MACROD2: variants seen among roughly 807,000 people sequenced by gnomAD.
MACROD2 encodes the protein ADP-ribose glycohydrolase MACROD2.
Under a neutral mutation model 70.4 loss-of-function variants are expected in MACROD2, and 36 were observed. The observed-to-expected ratio is 0.51, with a 90% CI of 0.39 to 0.68. The LOEUF (loss-of-function observed/expected upper bound fraction) is 0.68. Ranked by LOEUF, MACROD2 falls within the 30% of genes least tolerant of loss-of-function variation. The probability of loss-of-function intolerance (pLI) is 0.00; values close to 1 mark genes in which losing one functional copy is unlikely to be tolerated. For synonymous variants in MACROD2, 172 were observed against 178.8 expected (o/e 0.96, Z 0.30); for missense variants, 496 against 538.4 (o/e 0.92, Z 0.78).
intron 6 of MACROD2, among the ~76,000 whole-genome samples, chr20:15,354,654 A>G (rs1213725899): frequency 6.7e-6 from 1 of 150,214 alleles, no homozygotes; most frequent in Non-Finnish European, 1.5e-5. Context: ...TTAAAAAAGA[A>G]AAAGTTTTAG....
chr20:15,404,372 A>G (rs1162189073), intron 6 of MACROD2, among the ~76,000 whole-genome samples: 1 of 152,246 alleles, frequency 6.6e-6, no homozygotes, highest in Non-Finnish European at 1.5e-5. Context: ...TGTGTATAAA[A>G]AAGAACACAT....
In MACROD2 at chr20:16,022,630, T is replaced by C. The variant is rs972954980; in HGVS notation, c.1154-18571T>C. On this transcript the variant is annotated intron_variant, in intron 15 of 17. Transcript: ENST00000684519. ...GTCTGCATTTTATAATTATCCTGAG[T>C]ATATCCAATGCAGATGGTTCCTGGA... Among the ~76,000 whole-genome samples, 9 of 152,308 alleles carry C rather than the reference T, an allele frequency of 5.9e-5. No homozygotes were observed. The East Asian group carries it at 1.5e-3, about 26-fold the overall frequency.
intron 4 of MACROD2, among the ~76,000 whole-genome samples, chr20:14,614,004 A>T (rs1204238957): frequency 6.6e-6 from 1 of 152,090 alleles, no homozygotes; most frequent in Non-Finnish European, 1.5e-5. Flanking sequence ...TATTTCCACC[A>T]TGGAGACCTC....
chr20:14,146,119 G>A (rs901628541), intron 3 of MACROD2, among the ~76,000 whole-genome samples: 2 of 152,084 alleles, frequency 1.3e-5, no homozygotes, highest in Admixed American at 1.3e-4. Context: ...TCAGAAGATC[G>A]AGACCATCCT....
At position 14,819,114 on chromosome 20, in the gene MACROD2, A is replaced by G. The variant is rs1044623811; in HGVS notation, c.418+134155A>G. On this transcript the variant is annotated intron_variant, in intron 5 of 17. Coordinates refer to ENST00000684519, the MANE Select transcript of MACROD2 (RefSeq NM_001351661.2). ...ACCCCATTTCTACTAAAAATACAGA[A>G]AAATTGCTGGGTGTGGTGGCAGGCA... is the stretch of plus-strand genomic sequence containing the variant. Among the ~76,000 whole-genome samples the G allele has an allele frequency of 2.0e-5, 3 of 151,538 alleles. No individual in the cohort carries two copies. The South Asian group carries it at 6.3e-4, about 32-fold the overall frequency.
At chr20:14,221,043 T>G (rs1292441243) in intron 3 of MACROD2, among the ~76,000 whole-genome samples, 1 of 152,206 alleles carries the variant, frequency 6.6e-6, no homozygotes, top group Non-Finnish European at 1.5e-5. Context: ...TCTACCATGA[T>G]TGACCTTAAA....
intron 3 of MACROD2, among the ~76,000 whole-genome samples, chr20:14,377,016 A>T (rs1215485017): frequency 6.6e-6 from 1 of 152,174 alleles, no homozygotes; most frequent in Non-Finnish European, 1.5e-5. Flanking sequence ...GGAGACATCC[A>T]GTAAACAATA....
Position 14,081,983 on chromosome 20 carries a change from T to C in MACROD2, c.164-3638T>C, listed in dbSNP as rs542391287. On this transcript the variant is annotated intron_variant, in intron 2 of 17. Transcript: ENST00000684519. Reference sequence around the variant, plus strand: ...TTGAGTAAAGACCATTTTGAGTAACTTATTTGAGCAACATTGTCACAGCAG... The same window carrying C: ...TTGAGTAAAGACCATTTTGAGTAACCTATTTGAGCAACATTGTCACAGCAG... Among the ~76,000 whole-genome samples the C allele has an allele frequency of 2.6e-3, 389 of 152,230 alleles. 1 individual carries two copies. The highest frequency in any genetic ancestry group is 4.6e-3 in the South Asian group (22 of 4,828).
At chr20:14,965,627 ATTTT>A (rs374771441) in intron 5 of MACROD2, among the ~76,000 whole-genome samples, 1 of 140,872 alleles carries the variant, frequency 7.1e-6, no homozygotes. Context: ...TGCCCAGCTA[ATTTT>A]TTTTTTTTTT....
intron 4 of MACROD2, among the ~76,000 whole-genome samples, chr20:14,553,678 T>G (rs1535214): frequency 0.54 from 81,513 of 151,834 alleles, 23,378 homozygotes; most frequent in East Asian, 0.66. Context: ...GGGATCACCT[T>G]GTATATGCAG....
chr20:14,695,610 G>T (rs748602999), intron 5 of MACROD2, among the ~76,000 whole-genome samples: 2 of 152,176 alleles, frequency 1.3e-5, no homozygotes, highest in African/African-American at 4.8e-5. Flanking sequence ...TGTTGTGAGG[G>T]AACTCAGACA....
chr20:15,979,998 C>T (rs2066372216), intron 13 of MACROD2, among the ~76,000 whole-genome samples: 1 of 152,172 alleles, frequency 6.6e-6, no homozygotes, highest in Non-Finnish European at 1.5e-5. Context: ...ATTTCTGTCC[C>T]TTTTAAGGGC....
intron 5 of MACROD2, among the ~76,000 whole-genome samples, chr20:14,870,152 T>C (rs1433220217): frequency 6.6e-6 from 1 of 152,146 alleles, no homozygotes; most frequent in African/African-American, 2.4e-5. Context: ...TCTCTTTGTG[T>C]CCATGTATTC....
chr20:14,929,303 T>G (rs1158587905), intron 5 of MACROD2: 1 of 152,098 alleles, frequency 6.6e-6, no homozygotes, highest in Non-Finnish European at 1.5e-5. Flanking sequence ...AAATCAGAGG[T>G]TTCTCACGAT....
At chr20:14,010,222 A>G (rs559108281) in intron 2 of MACROD2, among the ~76,000 whole-genome samples, 43 of 152,346 alleles carry the variant, frequency 2.8e-4, no homozygotes, top group Admixed American at 4.6e-4. Flanking sequence ...ATACTATAAT[A>G]AAGGAAGCTA....
At chr20:14,831,067 G>A (rs2072959638) in intron 5 of MACROD2, among the ~76,000 whole-genome samples, 1 of 152,078 alleles carries the variant, frequency 6.6e-6, no homozygotes, top group Non-Finnish European at 1.5e-5. Flanking sequence ...CTGTGCTGCT[G>A]TGTTGCGAGC....
chr20:14,405,477 C>T (rs1161725670), intron 3 of MACROD2, among the ~76,000 whole-genome samples: 1 of 152,122 alleles, frequency 6.6e-6, no homozygotes, highest in East Asian at 1.9e-4. Context: ...TAAGAATCTA[C>T]GGGAGTCCAG....
chr20:15,768,901 T>G (rs1280411405), intron 8 of MACROD2, among the ~76,000 whole-genome samples: 1 of 152,078 alleles, frequency 6.6e-6, no homozygotes. Flanking sequence ...AGGGTCAGGA[T>G]CATCGATGTC....
chr20:14,173,196 A>G (rs889772091), intron 3 of MACROD2, among the ~76,000 whole-genome samples: 1 of 152,204 alleles, frequency 6.6e-6, no homozygotes, highest in African/African-American at 2.4e-5. Context: ...TAGCAAGGCC[A>G]GGGAAATTTT....
Sources: allele counts gnomAD v4.1 joint callset (sites outside exome capture counted in the v4.1 genomes callset), GRCh38; gene constraint gnomAD v4.1.1; transcripts MANE v1.5; gene names NCBI Gene and HGNC (gene_info 2026-07-23, HGNC 2026-07-21).